IL18RAP: variants seen among roughly 807,000 people sequenced by gnomAD.
The protein encoded by IL18RAP is interleukin-18 receptor accessory protein.
Under a neutral mutation model 58.1 loss-of-function variants are expected in IL18RAP, and 37 were observed. The observed-to-expected ratio is 0.64, with a 90% CI of 0.49 to 0.84. The LOEUF (loss-of-function observed/expected upper bound fraction) is 0.84. Among genes scored for constraint, IL18RAP ranks in the 40% least tolerant of loss-of-function variants. The probability of loss-of-function intolerance (pLI) is 0.00; values close to 1 mark genes in which losing one functional copy is unlikely to be tolerated. For missense variants in IL18RAP, 667 were observed against 704.8 expected (o/e 0.95, Z 0.61); for synonymous variants, 268 against 257.5 (o/e 1.04, Z -0.39).
At chr2:102,432,756 G>A (rs918912422) in intron 3 of IL18RAP, among the ~76,000 whole-genome samples, 6 of 152,164 alleles carry the variant, frequency 3.9e-5, no homozygotes, top group African/African-American at 1.4e-4. Flanking sequence ...GGAAGGTGCT[G>A]GAGCCTGGCT....
chr2:102,430,722 C>A (rs958487720), intron 3 of IL18RAP, among the ~76,000 whole-genome samples: 1 of 152,050 alleles, frequency 6.6e-6, no homozygotes, highest in Non-Finnish European at 1.5e-5. Context: ...CACTACTACA[C>A]GTTTTTGTTT....
chr2:102,427,825 A>T (rs1464491263), intron 3 of IL18RAP, among the ~76,000 whole-genome samples: 1 of 151,966 alleles, frequency 6.6e-6, no homozygotes, highest in African/African-American at 2.4e-5. Flanking sequence ...AAGTTTTACA[A>T]CTTTAGGTCT....
chr2:102,447,912 G>GT (rs1235195981), intron 8 of IL18RAP, among the ~76,000 whole-genome samples: 5 of 152,010 alleles, frequency 3.3e-5, no homozygotes, highest in African/African-American at 1.2e-4. Context: ...TGTGTTTTTA[G>GT]TAGAGACTGC....
At chr2:102,418,842 T>A (rs1453341465), upstream of IL18RAP, 1 of 152,360 alleles carries the variant, frequency 6.6e-6, no homozygotes, top group Non-Finnish European at 1.5e-5. Context: ...AATGGATATT[T>A]TCACATATTT....
intron 8 of IL18RAP, 107 bp from the exon 9 acceptor site, chr2:102,450,741 A>G (rs1232976410): frequency 2.9e-5 from 17 of 590,190 alleles, no homozygotes; most frequent in Middle Eastern, 5.0e-4. Context: ...GATCCCAAAT[A>G]TTATTTCTTA....
intron 9 of IL18RAP, among the ~76,000 whole-genome samples, chr2:102,451,424 C>A (rs1031591928): frequency 2.6e-5 from 4 of 152,202 alleles, no homozygotes; most frequent in Non-Finnish European, 5.9e-5. Flanking sequence ...CCTGAGAAGT[C>A]CAGATCTCAG....
chr2:102,450,969 C>T lies in IL18RAP; in HGVS notation c.1332C>T (p.Asn444=). The change falls in exon 9 of 10, where the codon AAC becomes AAT. Residue 444 remains asparagine, a synonymous_variant. Coordinates refer to ENST00000687160, the MANE Select transcript of IL18RAP (RefSeq NM_001393487.1). The part of the protein sequence containing the change: ...ALSLFPDVLE[N]KYGYSLCLLE... The stretch of plus-strand genomic sequence containing the variant: ...GCCTATTTCCTGATGTTTTAGAAAA[C>T]AAATATGGATATAGCCTGTGTTTGC... 1 of 1,611,444 alleles carries T rather than the reference C, an allele frequency of 6.2e-7. No individual in the cohort carries two copies. The highest frequency in any genetic ancestry group is 8.5e-7 in the Non-Finnish European group (1 of 1,178,932).
intron 3 of IL18RAP, among the ~76,000 whole-genome samples, chr2:102,429,292 A>G (rs369689897): frequency 4.6e-5 from 7 of 151,912 alleles, no homozygotes; most frequent in East Asian, 1.9e-4. Flanking sequence ...TTATGATCCA[A>G]TCTTGGTAGG....
At chr2:102,449,663 A>T (rs968343379) in intron 8 of IL18RAP, among the ~76,000 whole-genome samples, 13 of 152,178 alleles carry the variant, frequency 8.5e-5, no homozygotes, top group African/African-American at 3.1e-4. Flanking sequence ...AGAATGTTAG[A>T]ATTCTGGAGG....
chr2:102,425,162 A>C (rs1681860507), intron 3 of IL18RAP, among the ~76,000 whole-genome samples: 1 of 152,198 alleles, frequency 6.6e-6, no homozygotes, highest in Admixed American at 6.5e-5. Context: ...CTACAATTGC[A>C]ATAACTATTT....
At chr2:102,435,607 C>T (rs1352895574) in intron 3 of IL18RAP, among the ~76,000 whole-genome samples, 1 of 152,154 alleles carries the variant, frequency 6.6e-6, no homozygotes, top group Non-Finnish European at 1.5e-5. Flanking sequence ...CTTTGGAGTC[C>T]TCCCAGACTG....
intron 3 of IL18RAP, among the ~76,000 whole-genome samples, chr2:102,425,139 T>G (rs2104297227): frequency 6.6e-6 from 1 of 152,310 alleles, no homozygotes; most frequent in Non-Finnish European, 1.5e-5. Context: ...AGGAATAGAA[T>G]CTAAATCACT....
Position 102,441,391 on chromosome 2 carries a change from C to A in IL18RAP, c.796+14C>A. The stretch of plus-strand genomic sequence containing the variant: ...AAGTAGAACTTGGTAAGCTGGGCCT[C>A]ATCGCCTTTGAATGACATCGTGCTG... On this transcript the variant is annotated intron_variant, in intron 5 of 9. Transcript: ENST00000687160. 3 of 1,608,246 alleles carry A rather than the reference C, an allele frequency of 1.9e-6. No homozygotes were observed. Among genetic ancestry groups the A allele is most frequent in the Non-Finnish European group, 2.6e-6 (3 of 1,174,970 alleles).
chr2:102,426,669 T>C (rs1558635247), intron 3 of IL18RAP, among the ~76,000 whole-genome samples: 1 of 152,124 alleles, frequency 6.6e-6, no homozygotes, highest in South Asian at 2.1e-4. Flanking sequence ...AAAGTATTGA[T>C]GTGATGTTTT....
At chr2:102,446,932 A>G in intron 7 of IL18RAP, 138 bp from the exon 8 acceptor site, 3 of 911,930 alleles carry the variant, frequency 3.3e-6, no homozygotes, top group Non-Finnish European at 5.0e-6. Context: ...ATTCACAAAA[A>G]CTGCTGCTAG....
chr2:102,441,438 A>T, intron 5 of IL18RAP, 61 bp downstream of exon 5: 1 of 1,294,478 alleles, frequency 7.7e-7, no homozygotes, highest in Non-Finnish European at 1.1e-6. Flanking sequence ...TCTAAGTGTG[A>T]TAGAAGGAAA....
intron 3 of IL18RAP, among the ~76,000 whole-genome samples, 165 bp from the exon 4 acceptor site, chr2:102,437,047 A>G (rs1167605130): frequency 2.0e-5 from 3 of 152,168 alleles, no homozygotes; most frequent in African/African-American, 4.8e-5. Context: ...TTTCAAATCT[A>G]CAAGTACAGT....
intron 6 of IL18RAP, 55 bp downstream of exon 6, chr2:102,443,378 C>T: frequency 6.3e-7 from 1 of 1,582,866 alleles, no homozygotes. Flanking sequence ...GATACTTCTA[C>T]CTTTAGAAAT....
chr2:102,434,780 G>A (rs774947437), intron 3 of IL18RAP: 7 of 152,178 alleles, frequency 4.6e-5, no homozygotes, highest in Non-Finnish European at 7.3e-5. Flanking sequence ...CTCTGTGTCT[G>A]CCATACTCCT....
Sources: gnomAD v4.1 joint callset for allele counts (sites outside exome capture counted in the v4.1 genomes callset) on GRCh38, gnomAD v4.1.1 for gene constraint, MANE v1.5 for transcripts, NCBI Gene and HGNC (gene_info 2026-07-23, HGNC 2026-07-21) for gene names.